The following ATXN7L1 variants were observed in gnomAD, a reference collection of about 807,000 sequenced individuals.
ATXN7L1 encodes the protein ataxin 7 like 1.
Under a neutral mutation model 70.8 loss-of-function variants are expected in ATXN7L1, and 15 were observed. The observed-to-expected ratio is 0.21, with a 90% CI of 0.14 to 0.33. The LOEUF (loss-of-function observed/expected upper bound fraction) is 0.33, where lower values mean the gene tolerates loss of function less well. Among genes scored for constraint, ATXN7L1 ranks in the 10% least tolerant of loss-of-function variants. The pLI is 1.00. For synonymous variants in ATXN7L1, 440 were observed against 445.1 expected (o/e 0.99, Z 0.14); for missense variants, 975 against 1,097.1 (o/e 0.89, Z 1.57).
chr7:105,614,950 G>T lies in ATXN7L1; in HGVS notation c.1518-134C>A. 9.3e-7 allele frequency: 1 copy of T among 1,079,132 alleles called. No individual in the cohort carries two copies. The allele number at this position is 1,079,132 out of a possible 1,614,324, so 66.8% of individuals were successfully genotyped here. A position where few individuals can be genotyped will look rare whatever the true frequency, so the allele number is the denominator to read the frequency against. ...ACCAGACTATGGAGAATGGAGCCTT[G>T]AAGGATGGGAGAATCTGAAGCATGG... On this transcript the variant is annotated intron_variant, in intron 9 of 11. Coordinates refer to ENST00000419735, the MANE Select transcript of ATXN7L1 (RefSeq NM_020725.2). This position sits in a 1 kb window ranked among gnomAD's most constrained non-coding sequence, Gnocchi z 4.3.
intron 3 of ATXN7L1, among the ~76,000 whole-genome samples, chr7:105,673,601 G>GC (rs1348723890): frequency 1.3e-5 from 2 of 152,192 alleles, no homozygotes; most frequent in Admixed American, 1.3e-4. Flanking sequence ...TCAGGATGCT[G>GC]CCTATAAACA....
intron 3 of ATXN7L1, among the ~76,000 whole-genome samples, chr7:105,700,621 T>G (rs1311018265): frequency 1.3e-5 from 2 of 152,098 alleles, no homozygotes; most frequent in East Asian, 3.9e-4. Flanking sequence ...AGTAATTTAC[T>G]GCCTCAGGCA....
At chr7:105,771,292 G>A (rs566287027) in intron 3 of ATXN7L1, among the ~76,000 whole-genome samples, 63 of 151,846 alleles carry the variant, frequency 4.1e-4, no homozygotes, top group South Asian at 3.1e-3. Flanking sequence ...TTTTTTGGAC[G>A]ATGTATATGC....
At chr7:105,749,617 C>CT (rs1313180286) in intron 3 of ATXN7L1, among the ~76,000 whole-genome samples, 17 of 145,624 alleles carry the variant, frequency 1.2e-4, no homozygotes, top group African/African-American at 4.3e-4. Flanking sequence ...GAGTGAGACT[C>CT]TGTCTCAAAA....
chr7:105,694,663 C>T lies in ATXN7L1; in HGVS notation c.356-29375G>A, dbSNP rs540886250. 5.9e-5 allele frequency among the ~76,000 whole-genome samples: 9 copies of T among 152,274 alleles called. No homozygotes were observed. In the South Asian group the frequency reaches 8.3e-4, roughly 14 times the overall value. On this transcript the variant is annotated intron_variant, in intron 3 of 11. Coordinates refer to ENST00000419735, the MANE Select transcript of ATXN7L1 (RefSeq NM_020725.2). ...CACAAAGCAGCTTAAAAGGGGCAGACTTTATTATTCCCATTTTCACAGACA... is the reference window on the plus strand; with the variant it reads ...CACAAAGCAGCTTAAAAGGGGCAGATTTTATTATTCCCATTTTCACAGACA...
At chr7:105,712,058 C>T (rs1388702328) in intron 3 of ATXN7L1, among the ~76,000 whole-genome samples, 1 of 152,200 alleles carries the variant, frequency 6.6e-6, no homozygotes, top group Non-Finnish European at 1.5e-5. Context: ...GGGGCTTGCA[C>T]CCTTTGAGGT....
chr7:105,766,505 G>A (rs936962872), intron 3 of ATXN7L1, among the ~76,000 whole-genome samples: 1 of 152,112 alleles, frequency 6.6e-6, no homozygotes, highest in African/African-American at 2.4e-5. Flanking sequence ...GATTCATTTC[G>A]GAATTTTGAA....
intron 3 of ATXN7L1, among the ~76,000 whole-genome samples, chr7:105,709,203 G>T (rs1461117142): frequency 1.3e-5 from 2 of 152,026 alleles, no homozygotes; most frequent in Non-Finnish European, 2.9e-5. Context: ...GCATGGTGGC[G>T]GGCGCCTATA....
chr7:105,643,919 T>C (rs1021958538), intron 4 of ATXN7L1, among the ~76,000 whole-genome samples: 23 of 152,354 alleles, frequency 1.5e-4, no homozygotes, highest in African/African-American at 5.3e-4. Flanking sequence ...TCTTTAATGC[T>C]GAAGGACCTG....
At chr7:105,742,207 C>T (rs1798088907) in intron 3 of ATXN7L1, among the ~76,000 whole-genome samples, 2 of 152,202 alleles carry the variant, frequency 1.3e-5, no homozygotes, top group South Asian at 4.1e-4. Context: ...GACTCTTAAC[C>T]CGCAGTTGAG....
Position 105,605,050 on chromosome 7 carries a change from T to TA in ATXN7L1, c.*2801_*2802insT, listed in dbSNP as rs1792698599. On this transcript the variant is annotated 3_prime_UTR_variant, in exon 12 of 12. Coordinates refer to ENST00000419735, the MANE Select transcript of ATXN7L1 (RefSeq NM_020725.2). ...ACAAGTTATCCAAGTCGCTTTTTTT[T>TA]TTTTTTTTTTTTTTTTATGGCTGAC... The TA allele has an allele frequency of 7.0e-6, 1 of 143,178 alleles. No individual in the cohort carries two copies. The highest frequency in any genetic ancestry group is 7.1e-5 in the Admixed American group (1 of 14,168). 8.9% of individuals were successfully genotyped at this position (143,178 alleles called of 1,614,324 possible). A position where few individuals can be genotyped will look rare whatever the true frequency, so the allele number is the denominator to read the frequency against.
At chr7:105,870,755 C>A (rs576280120) in intron 2 of ATXN7L1, among the ~76,000 whole-genome samples, 5 of 152,032 alleles carry the variant, frequency 3.3e-5, no homozygotes, top group Non-Finnish European at 5.9e-5. Flanking sequence ...GAAGAATGGC[C>A]GTCCTTGGAA....
chr7:105,755,124 G>C (rs1799656231), intron 3 of ATXN7L1, among the ~76,000 whole-genome samples: 7 of 152,144 alleles, frequency 4.6e-5, no homozygotes. Context: ...GGTTTCCAGA[G>C]TCATACTCTT....
chr7:105,783,356 T>C (rs1225714367), intron 3 of ATXN7L1, among the ~76,000 whole-genome samples: 1 of 152,212 alleles, frequency 6.6e-6, no homozygotes, highest in African/African-American at 2.4e-5. Context: ...ATATCTTTCA[T>C]TGTATTGGTC....
intron 3 of ATXN7L1, among the ~76,000 whole-genome samples, chr7:105,725,906 T>TC (rs1291270266): frequency 1.3e-4 from 19 of 146,912 alleles, no homozygotes; most frequent in African/African-American, 4.0e-4. Flanking sequence ...TTTCTTTCTT[T>TC]TTTTTTTTTT....
At chr7:105,738,276 T>C (rs1406308876) in intron 3 of ATXN7L1, among the ~76,000 whole-genome samples, 3 of 152,234 alleles carry the variant, frequency 2.0e-5, no homozygotes, top group African/African-American at 7.2e-5. Context: ...ACTACTGCTG[T>C]GTCAGTTGAA....
chr7:105,660,907 TTC>T (rs1801508949), intron 4 of ATXN7L1, among the ~76,000 whole-genome samples: 1 of 152,142 alleles, frequency 6.6e-6, no homozygotes, highest in African/African-American at 2.4e-5. Flanking sequence ...GAAAAACCCT[TTC>T]TGAGTCCTCA....
At chr7:105,683,498 G>GT (rs1024242739) in intron 3 of ATXN7L1, among the ~76,000 whole-genome samples, 1 of 152,056 alleles carries the variant, frequency 6.6e-6, no homozygotes. Context: ...GGCCAACATG[G>GT]TGAAACCTTG....
chr7:105,865,565 C>A (rs1298158172), intron 2 of ATXN7L1, among the ~76,000 whole-genome samples: 1 of 152,064 alleles, frequency 6.6e-6, no homozygotes, highest in African/African-American at 2.4e-5. Context: ...CCATACCCAG[C>A]TAATTTTTTG....
Sources: gnomAD v4.1 joint callset for allele counts (sites outside exome capture counted in the v4.1 genomes callset) on GRCh38, gnomAD v4.1.1 for gene constraint, Gnocchi (gnomAD v3.1) non-coding constraint, MANE v1.5 for transcripts, NCBI Gene and HGNC (gene_info 2026-07-23, HGNC 2026-07-21) for gene names.